OTOG: variants seen among roughly 807,000 people sequenced by gnomAD.
OTOG encodes otogelin.
A neutral mutation model predicts 313.8 loss-of-function variants in OTOG; 296 were observed. The ratio of observed to expected loss-of-function variants is 0.94; its 90% CI spans 0.86 to 1.04. The LOEUF (loss-of-function observed/expected upper bound fraction) is 1.04, where lower values mean the gene tolerates loss of function less well. Ranked by LOEUF, OTOG falls within the 50% of genes least tolerant of loss-of-function variation. The pLI is 0.00. For synonymous variants in OTOG, 1,533 were observed against 1,554.9 expected, an observed-to-expected ratio of 0.99 and a Z score of 0.33; for missense variants, 3,948 against 3,840.1, an observed-to-expected ratio of 1.03 and a Z score of -0.74.
rs749120808 is a variant in OTOG at position 17,641,876 on chromosome 11, C to A, written c.8220C>A (p.Leu2740=). 1.3e-6 allele frequency: 2 copies of A among 1,550,290 alleles called. No homozygotes were observed. The highest frequency in any genetic ancestry group is 1.7e-6 in the Non-Finnish European group (2 of 1,146,830). Residue 2740 remains leucine (L), a synonymous_variant, in exon 52 of 56, where the codon CTC becomes CTA. Coordinates refer to ENST00000399397, the MANE Select transcript of OTOG (RefSeq NM_001292063.2). ...ANQEYEHPRD[L]AACCGSCRNV... The stretch of plus-strand genomic sequence containing the variant: ...AGGAGTACGAGCACCCGCGGGACCT[C>A]GCTGCCTGCTGCGGCTCCTGCAGGA...
chr11:17,559,717 T>A (rs978471162), intron 12 of OTOG, 55 bp downstream of exon 12: 14 of 1,509,518 alleles, frequency 9.3e-6, no homozygotes, highest in Non-Finnish European at 1.2e-5. Flanking sequence ...CTGGCACAGA[T>A]GGCCACGAAA....
intron 26 of OTOG, 110 bp downstream of exon 26, chr11:17,593,437 G>A: frequency 1.4e-6 from 2 of 1,442,898 alleles, no homozygotes; most frequent in Middle Eastern, 1.9e-4. Context: ...CTCTTGGAGA[G>A]CCACTGAGTT....
intron 32 of OTOG, among the ~76,000 whole-genome samples, chr11:17,603,104 G>T (rs1853294793): frequency 6.6e-6 from 1 of 152,128 alleles, no homozygotes; most frequent in Non-Finnish European, 1.5e-5. Flanking sequence ...GGACGTCCTG[G>T]CTCCTGCCCA....
intron 35 of OTOG, 100 bp downstream of exon 35, chr11:17,609,309 C>A: frequency 9.1e-7 from 1 of 1,095,258 alleles, no homozygotes; most frequent in Non-Finnish European, 1.3e-6. Context: ...CCCAGAGAAG[C>A]AAGATCAGCA....
At chr11:17,561,523 C>G in intron 14 of OTOG, 139 bp from the exon 15 acceptor site, 1 of 895,888 alleles carries the variant, frequency 1.1e-6, no homozygotes, top group Non-Finnish European at 1.7e-6. Context: ...GCCCAGGGCT[C>G]TCAGGGGCCA....
Position 17,586,540 on chromosome 11 carries a change from G to A in OTOG, c.2826G>A (p.Glu942=). The change falls in exon 24 of 56, where the codon GAG becomes GAA. Residue 942 remains glutamate, a synonymous_variant. Coordinates refer to ENST00000399397, the MANE Select transcript of OTOG (RefSeq NM_001292063.2). ...GCCCCTGCACTTGGAAGGGGAAGGAGTATTTCCCTGGGGACCAGGTGATGT... is the reference window on the plus strand; with the variant it reads ...GCCCCTGCACTTGGAAGGGGAAGGAATATTTCCCTGGGGACCAGGTGATGT... ...EECPCTWKGK[E]YFPGDQVMSP... is the part of the protein sequence containing the mutation. 1 of 1,446,774 alleles carries A rather than the reference G, an allele frequency of 6.9e-7. No individual in the cohort carries two copies. Among genetic ancestry groups the A allele is most frequent in the Non-Finnish European group, 9.1e-7 (1 of 1,095,130 alleles). The allele number at this position is 1,446,774 out of a possible 1,614,324, so 89.6% of individuals were successfully genotyped here. A position where few individuals can be genotyped will look rare whatever the true frequency, so the allele number is the denominator to read the frequency against.
At chr11:17,558,937 C>A in intron 10 of OTOG, 115 bp from the exon 11 acceptor site, 2 of 888,532 alleles carry the variant, frequency 2.3e-6, no homozygotes, top group Non-Finnish European at 3.6e-6. Flanking sequence ...GGCAGCCTTT[C>A]CCAGCTGGGT....
At chr11:17,582,629 T>A (rs968870709) in intron 23 of OTOG, among the ~76,000 whole-genome samples, 1 of 152,204 alleles carries the variant, frequency 6.6e-6, no homozygotes, top group Non-Finnish European at 1.5e-5. Flanking sequence ...TAACACTTGG[T>A]GTTTTCAGTC....
At chr11:17,639,506 C>G (rs1163540988) in intron 49 of OTOG, 43 bp downstream of exon 49, 1 of 1,536,920 alleles carries the variant, frequency 6.5e-7, no homozygotes, top group Non-Finnish European at 8.8e-7. Flanking sequence ...GTCTGCTCCC[C>G]TTTCCTTTCC....
intron 25 of OTOG, among the ~76,000 whole-genome samples, chr11:17,592,913 T>C (rs1227023139): frequency 1.3e-5 from 2 of 152,244 alleles, no homozygotes; most frequent in Non-Finnish European, 2.9e-5. Flanking sequence ...ACAGTGCCTC[T>C]TCCCCATACC....
chr11:17,639,560 C>T, intron 49 of OTOG, 97 bp downstream of exon 49: 4 of 1,310,534 alleles, frequency 3.1e-6, no homozygotes, highest in Non-Finnish European at 4.3e-6. Flanking sequence ...TAATCTAGTG[C>T]AAGGAACCCG....
chr11:17,642,905 T>C (rs1157231763), intron 53 of OTOG, among the ~76,000 whole-genome samples: 1 of 152,148 alleles, frequency 6.6e-6, no homozygotes, highest in Admixed American at 6.5e-5. Context: ...CTCATGTATG[T>C]GCTCACAAAA....
chr11:17,570,114 G>T, intron 16 of OTOG, 99 bp from the exon 17 acceptor site: 1 of 1,119,612 alleles, frequency 8.9e-7, no homozygotes, highest in Non-Finnish European at 1.3e-6. Flanking sequence ...CGAAGACTGG[G>T]CCGGGCGTGG....
intron 38 of OTOG, among the ~76,000 whole-genome samples, chr11:17,613,189 T>TC: frequency 1.0e-5 from 1 of 98,582 alleles, no homozygotes; most frequent in Non-Finnish European, 2.0e-5. Flanking sequence ...TTTCTTTCTT[T>TC]CTTTCTTTTC....
chr11:17,559,452 C>CT, intron 11 of OTOG, 82 bp from the exon 12 acceptor site: 2 of 1,522,270 alleles, frequency 1.3e-6, no homozygotes, highest in Middle Eastern at 1.8e-4. Flanking sequence ...CTCCCATCCT[C>CT]ACTCCACGGC....
In OTOG at chr11:17,606,117, A is replaced by G. The variant is rs1853382489; in HGVS notation, c.4138A>G (p.Thr1380Ala). 3.9e-6 allele frequency: 6 copies of G among 1,541,536 alleles called. No individual in the cohort carries two copies. In the Admixed American group the frequency reaches 9.9e-5, roughly 25 times the overall value. ...YEHTEVFRRG[T>A]LFRLLDAKPS... Reference sequence around the variant, plus strand: ...ACACACAGAGGTGTTCCGCCGGGGCACACTCTTCCGCCTTCTGGGTAGGCG... The same window carrying G: ...ACACACAGAGGTGTTCCGCCGGGGCGCACTCTTCCGCCTTCTGGGTAGGCG... The change falls in exon 33 of 56, where the codon ACA becomes GCA. Residue 1380 changes from threonine (T) to alanine (A), a missense_variant. Thr to Ala is a moderately conservative substitution (Grantham distance 58). Coordinates refer to ENST00000399397, the MANE Select transcript of OTOG (RefSeq NM_001292063.2).
chr11:17,632,112 C>T lies in OTOG; in HGVS notation c.6958C>T (p.Leu2320=), dbSNP rs1197488328. The change falls in exon 42 of 56, where the codon CTG becomes TTG. Residue 2320 remains leucine, a synonymous_variant. Transcript: ENST00000399397. The part of the protein sequence containing the change: ...RFVPPESFCE[L]WIRDTKYVQQ... ...GGTGCCTCCGGAGTCATTCTGTGAGCTGTGGATCCGGGACACCAAGTACGT... is the reference window on the plus strand; with the variant it reads ...GGTGCCTCCGGAGTCATTCTGTGAGTTGTGGATCCGGGACACCAAGTACGT... 1 of 1,551,038 alleles carries T rather than the reference C, an allele frequency of 6.4e-7. No individual in the cohort carries two copies. The highest frequency in any genetic ancestry group is 1.2e-5 in the South Asian group (1 of 84,058).
In OTOG at chr11:17,634,246, C is replaced by G. The variant is rs1250796971; in HGVS notation, c.7445C>G (p.Pro2482Arg). 2 of 1,550,384 alleles carry G rather than the reference C, an allele frequency of 1.3e-6. No individual in the cohort carries two copies. Among genetic ancestry groups the G allele is most frequent in the African/African-American group, 2.7e-5 (2 of 73,042 alleles). The change falls in exon 44 of 56, where the codon CCC (proline) becomes CGC (arginine). Residue 2482 changes from proline (P) to arginine (R), a missense_variant. Physicochemically the swap from Pro to Arg is moderately radical, Grantham distance 103. Coordinates refer to ENST00000399397, the MANE Select transcript of OTOG (RefSeq NM_001292063.2). ...LRFGEVALLL[P>R]TKDPCCLGTV... ...TTCGGGGAGGTGGCCTTGCTCCTACCCACCAAGGACCCCTGCTGCCTGGGG... is the reference window on the plus strand; with the variant it reads ...TTCGGGGAGGTGGCCTTGCTCCTACGCACCAAGGACCCCTGCTGCCTGGGG...
At chr11:17,591,379 T>A in intron 24 of OTOG, 71 bp from the exon 25 acceptor site, 2 of 1,527,406 alleles carry the variant, frequency 1.3e-6, no homozygotes, top group Non-Finnish European at 1.8e-6. Context: ...CGATAAGCCA[T>A]GGCTCTGTCA....
Sources: allele counts gnomAD v4.1 joint callset (sites outside exome capture counted in the v4.1 genomes callset), GRCh38; gene constraint gnomAD v4.1.1; transcripts MANE v1.5; gene names NCBI Gene and HGNC (gene_info 2026-07-23, HGNC 2026-07-21).